The following CRTC2 variants were observed in gnomAD, a reference collection of about 807,000 sequenced individuals.
The protein encoded by CRTC2 is CREB-regulated transcription coactivator 2.
Under a neutral mutation model 70.9 loss-of-function variants are expected in CRTC2, and 25 were observed. That is an observed-to-expected ratio of 0.35 (90% CI 0.26 to 0.49). CRTC2 has a LOEUF of 0.49. Among genes scored for constraint, CRTC2 ranks in the 20% least tolerant of loss-of-function variants. The pLI is 0.98. For missense variants in CRTC2, 737 were observed against 882.6 expected, an observed-to-expected ratio of 0.83 and a Z score of 2.09; for synonymous variants, 330 against 364.1, an observed-to-expected ratio of 0.91 and a Z score of 1.07.
At chr1:153,953,799 CTT>C (rs1173769457) in intron 4 of CRTC2, among the ~76,000 whole-genome samples, 193 bp from the exon 5 acceptor site, 1 of 152,154 alleles carries the variant, frequency 6.6e-6, no homozygotes, top group Non-Finnish European at 1.5e-5. Flanking sequence ...GAGCTGGAAA[CTT>C]CTCTCTGCCA....
intron 11 of CRTC2, among the ~76,000 whole-genome samples, chr1:153,950,944 T>C (rs1358371471): frequency 2.0e-5 from 3 of 152,248 alleles, no homozygotes; most frequent in Non-Finnish European, 4.4e-5. Flanking sequence ...TGTTACTTCA[T>C]TTGATCCTTA....
At chr1:153,955,794 A>G (rs1680590895) in intron 1 of CRTC2, among the ~76,000 whole-genome samples, 1 of 151,350 alleles carries the variant, frequency 6.6e-6, no homozygotes, top group African/African-American at 2.4e-5. Flanking sequence ...ACCAGAGCCC[A>G]TCTGCAGACT....
rs749680802 is a variant in CRTC2, at chr1:153,951,337, C to T, written c.1327G>A (p.Asp443Asn). The change falls in exon 11 of 14, where the codon GAC becomes AAC. Residue 443 changes from aspartate (D) to asparagine (N), a missense_variant. Asp to Asn is a conservative substitution (Grantham distance 23, BLOSUM62 1). Coordinates refer to ENST00000368633, the MANE Select transcript of CRTC2 (RefSeq NM_181715.3). ...AGCTGCTGTTGGGACCTTCTGGCGT[C>T]GGCTGGGCCCGCGAGCAAACTCAGG... The part of the protein sequence containing the change: ...SPLSLLAGPA[D>N]ARRSQQQLPK... 20 of 1,613,590 alleles carry T rather than the reference C, an allele frequency of 1.2e-5. No individual in the cohort carries two copies. Among genetic ancestry groups the T allele is most frequent in the South Asian group, 2.2e-5 (2 of 91,008 alleles).
chr1:153,955,430 G>T (rs1353711668), intron 1 of CRTC2, among the ~76,000 whole-genome samples: 1 of 151,818 alleles, frequency 6.6e-6, no homozygotes, highest in Non-Finnish European at 1.5e-5. Flanking sequence ...AGCCGGGCGT[G>T]GTGGCGGGCG....
In CRTC2 at chr1:153,949,239, A is replaced by G. The variant is rs755894210; in HGVS notation, c.1550T>C (p.Val517Ala). The part of the protein sequence containing the change: ...QPGLPSQSCS[V>A]QSSGGQPPGR... ...TGGGGGCTGCCCACCTGAGGACTGC[A>G]CTGAACAAGACTGAGAGGGCAGCCC... The change falls in exon 12 of 14, where the codon GTG (valine) becomes GCG (alanine). Residue 517 changes from valine to alanine, a missense_variant. This residue lies in a region of CRTC2 where 699 missense variants were observed against 823.7 expected (regional missense o/e 0.85). Coordinates refer to ENST00000368633, the MANE Select transcript of CRTC2 (RefSeq NM_181715.3). The G allele has an allele frequency of 1.8e-5, 29 of 1,613,992 alleles. No homozygotes were observed. Among genetic ancestry groups the G allele is most frequent in the Non-Finnish European group, 8.5e-7 (1 of 1,180,024 alleles).
In CRTC2 at chr1:153,954,589, CA is replaced by C. The variant is rs774321723; in HGVS notation, c.373-274del. The stretch of plus-strand genomic sequence containing the variant: ...AAACTTAGAAATCTGAGAAGAGACC[CA>C]ATCTCCTTTAGCAGGAGACAAGGAA... On this transcript the variant is annotated intron_variant, in intron 3 of 13. Coordinates refer to ENST00000368633, the MANE Select transcript of CRTC2 (RefSeq NM_181715.3). 8.5e-5 allele frequency among the ~76,000 whole-genome samples: 13 copies of C among 152,290 alleles called. No individual in the cohort carries two copies. The South Asian group carries it at 1.5e-3, about 17-fold the overall frequency.
At chr1:153,955,507 CAGT>C (rs1240621865) in intron 1 of CRTC2, among the ~76,000 whole-genome samples, 1 of 139,714 alleles carries the variant, frequency 7.2e-6, no homozygotes, top group Non-Finnish European at 1.5e-5. Context: ...GTGGAGGTTG[CAGT>C]AAGCCGAGAC....
chr1:153,949,337 G>A lies in CRTC2; in HGVS notation c.1452C>T (p.Pro484=). ...TSKLSTDQRL[P]PYPYSSPSLV... Reference sequence around the variant, plus strand: ...GACTTGGGGAGCTGTATGGGTATGGGGGTAACCGCTGGTCAGTGGACAGTT... The same window carrying A: ...GACTTGGGGAGCTGTATGGGTATGGAGGTAACCGCTGGTCAGTGGACAGTT... The change falls in exon 12 of 14, where the codon CCC becomes CCT. Residue 484 remains proline (P), a synonymous_variant. Coordinates refer to ENST00000368633, the MANE Select transcript of CRTC2 (RefSeq NM_181715.3). 6.2e-7 allele frequency: 1 copy of A among 1,613,844 alleles called. No individual in the cohort carries two copies.
rs1000889511 is a variant in CRTC2, at chr1:153,949,157, T to A, written c.1632A>T (p.Gln544His). Residue 544 changes from glutamine to histidine, a missense_variant, in exon 12 of 14, where the codon CAA becomes CAT. Transcript: ENST00000368633. Reference protein sequence around the residue: ...PYPPGPSGHGQQSYHRPMSDF... With the variant: ...PYPPGPSGHGHQSYHRPMSDF... Reference sequence around the variant, plus strand: ...CACTCATTGGCCGGTGGTAAGACTGTTGCCCATGCCCACTGGGCCCAGGTG... The same window carrying A: ...CACTCATTGGCCGGTGGTAAGACTGATGCCCATGCCCACTGGGCCCAGGTG... The A allele has an allele frequency of 3.1e-6, 5 of 1,613,132 alleles. No individual in the cohort carries two copies. Among genetic ancestry groups the A allele is most frequent in the Non-Finnish European group, 4.2e-6 (5 of 1,179,604 alleles).
At chr1:153,952,743 A>G (rs959952131) in intron 7 of CRTC2, 62 bp downstream of exon 7, 23 of 1,611,544 alleles carry the variant, frequency 1.4e-5, no homozygotes, top group Admixed American at 6.7e-5. Context: ...CCTGCACACA[A>G]TCCCAACACC....
intron 9 of CRTC2, 39 bp from the exon 10 acceptor site, chr1:153,952,301 G>C: frequency 6.3e-7 from 1 of 1,597,374 alleles, no homozygotes; most frequent in Non-Finnish European, 8.5e-7. Context: ...TAAATAGGAG[G>C]GTGGGTGCAG....
Position 153,955,136 on chromosome 1 carries a change from T to A in CRTC2, c.184A>T (p.Thr62Ser). 3.1e-6 allele frequency: 5 copies of A among 1,614,030 alleles called. No individual in the cohort carries two copies. Among genetic ancestry groups the A allele is most frequent in the Non-Finnish European group, 3.4e-6 (4 of 1,179,912 alleles). The change falls in exon 2 of 14, where the codon ACA becomes TCA. Residue 62 changes from threonine (T) to serine (S), a missense_variant. Physicochemically the swap from Thr to Ser is moderately conservative, Grantham distance 58. Coordinates refer to ENST00000368633, the MANE Select transcript of CRTC2 (RefSeq NM_181715.3). Reference sequence around the variant, plus strand: ...GACCCACCATAATGAGAGCTCCTTGTGTATGCCAGTCGCAGTTTTTGGGCC... The same window carrying A: ...GACCCACCATAATGAGAGCTCCTTGAGTATGCCAGTCGCAGTTTTTGGGCC... ...LQAQKLRLAY[T>S]RSSHYGGSLP...
rs1279199926 is a variant in CRTC2 at position 153,949,177 on chromosome 1, C to T, written c.1612G>A (p.Gly538Arg). 2 of 1,613,994 alleles carry T rather than the reference C, an allele frequency of 1.2e-6. No individual in the cohort carries two copies. The highest frequency in any genetic ancestry group is 1.1e-5 in the South Asian group (1 of 91,066). The change falls in exon 12 of 14, where the codon GGG (glycine) becomes AGG (arginine). Residue 538 changes from glycine (G) to arginine (R), a missense_variant. Gly to Arg is a moderately radical substitution (Grantham distance 125, BLOSUM62 -2). Transcript: ENST00000368633. ...GACTGTTGCCCATGCCCACTGGGCC[C>T]AGGTGGGTACGGTGTCCCATAATGA... is the stretch of plus-strand genomic sequence containing the variant. ...QSHYGTPYPP[G>R]PSGHGQQSYH...
chr1:153,949,499 T>G, intron 11 of CRTC2, 115 bp from the exon 12 acceptor site: 1 of 1,119,470 alleles, frequency 8.9e-7, no homozygotes, highest in Non-Finnish European at 1.2e-6. Context: ...CATGACAACA[T>G]TCCACATTCT....
Position 153,947,832 on chromosome 1 carries a change from C to G in CRTC2, c.*277G>C. ...AAAGCCCTGCTTCCAGGGCTCCCCT[C>G]TACCCCTGCTTTCCAACAGGCTCTG... On this transcript the variant is annotated 3_prime_UTR_variant, in exon 14 of 14. Transcript: ENST00000368633. The G allele has an allele frequency of 2.0e-6, 1 of 499,058 alleles. No individual in the cohort carries two copies. The highest frequency in any genetic ancestry group is 2.1e-5 in the South Asian group (1 of 47,128). The allele number at this position is 499,058 out of a possible 1,614,324, so 30.9% of individuals were successfully genotyped here. A position where few individuals can be genotyped will look rare whatever the true frequency, so the allele number is the denominator to read the frequency against.
At chr1:153,953,510 C>G (rs1432192371) in intron 5 of CRTC2, 28 bp downstream of exon 5, 2 of 1,599,122 alleles carry the variant, frequency 1.3e-6, no homozygotes, top group East Asian at 2.3e-5. Flanking sequence ...GATAAGAGAT[C>G]TGGCCTAAAG....
At position 153,954,924 on chromosome 1, in the gene CRTC2, C is replaced by T. The variant is rs1389337671; in HGVS notation, c.321G>A (p.Val107=). ...STRHHGLVER[V]QRDPRRMVSP... ...ACACCATTCTTCGAGGATCTCGCTG[C>T]ACCCGTTCCACCAGCCCATGGTGCC... Residue 107 remains valine, a synonymous_variant, in exon 3 of 14, where the codon GTG becomes GTA. Transcript: ENST00000368633. 3.1e-6 allele frequency: 5 copies of T among 1,613,954 alleles called. No individual in the cohort carries two copies. The highest frequency in any genetic ancestry group is 4.2e-6 in the Non-Finnish European group (5 of 1,180,026).
At chr1:153,951,770 C>T (rs1680335596) in intron 10 of CRTC2, 104 bp from the exon 11 acceptor site, 2 of 1,280,078 alleles carry the variant, frequency 1.6e-6, no homozygotes, top group Non-Finnish European at 2.2e-6. Context: ...AAAGCGGCAA[C>T]ACAACGTCCT....
intron 1 of CRTC2, chr1:153,958,059 ACCT>A (rs1680729250): frequency 1.5e-6 from 2 of 1,324,838 alleles, no homozygotes; most frequent in African/African-American, 1.5e-5. Flanking sequence ...AGGACCACTC[ACCT>A]CCTACCTCCG....
Sources: allele counts gnomAD v4.1 joint callset (sites outside exome capture counted in the v4.1 genomes callset), GRCh38; gene constraint gnomAD v4.1.1; regional missense constraint gnomAD v4.1.1; transcripts MANE v1.5; gene names NCBI Gene and HGNC (gene_info 2026-07-23, HGNC 2026-07-21).